FGGY: variants seen among roughly 807,000 people sequenced by gnomAD.
FGGY encodes the protein FGGY carbohydrate kinase domain containing, also known as FGGY carbohydrate kinase domain-containing protein.
In FGGY, 72 loss-of-function variants were observed where a neutral mutation model predicts 71.3. The observed-to-expected ratio is 1.01, with a 90% CI of 0.84 to 1.23. FGGY has a LOEUF of 1.23. Among genes scored for constraint, FGGY ranks in the 50% most tolerant of loss-of-function variants. The pLI, the probability that FGGY is intolerant of heterozygous loss-of-function variation, is 0.00. For missense variants in FGGY, 668 were observed against 682.3 expected, an observed-to-expected ratio of 0.98 and a Z score of 0.23; for synonymous variants, 251 against 250.3, an observed-to-expected ratio of 1.00 and a Z score of -0.02.
chr1:59,634,747 T>C (rs1171025224), intron 10 of FGGY, among the ~76,000 whole-genome samples: 1 of 152,214 alleles, frequency 6.6e-6, no homozygotes, highest in Non-Finnish European at 1.5e-5. Flanking sequence ...GGAAACTATT[T>C]ATTGATAAAC....
chr1:59,703,901 T>C (rs1168146772), intron 14 of FGGY, among the ~76,000 whole-genome samples: 1 of 152,186 alleles, frequency 6.6e-6, no homozygotes, highest in Non-Finnish European at 1.5e-5. Flanking sequence ...TGTGCGCCCA[T>C]TGGACCCTAT....
intron 8 of FGGY, among the ~76,000 whole-genome samples, chr1:59,585,832 C>A (rs1462255093): frequency 2.6e-5 from 4 of 152,256 alleles, no homozygotes; most frequent in East Asian, 1.9e-4. Flanking sequence ...AAGAAAAAAA[C>A]CCCATCAACA....
rs1210988712 is a variant in FGGY, at chr1:59,493,137, G to C, written c.671-19174G>C. ...CACACACACACACACACACAAAACA[G>C]AAAGTAAGTGTTGGTGAAGATGTGG... On this transcript the variant is annotated intron_variant, in intron 6 of 15. Transcript: ENST00000303721. Among the ~76,000 whole-genome samples, 3 of 73,770 alleles carry C rather than the reference G, an allele frequency of 4.1e-5. No individual in the cohort carries two copies. In the East Asian group the frequency reaches 1.3e-3, roughly 31 times the overall value. The allele number at this position is 73,770 out of a possible 152,430, so 48.4% of individuals were successfully genotyped here. A position where few individuals can be genotyped will look rare whatever the true frequency, so the allele number is the denominator to read the frequency against.
chr1:59,465,555 G>A (rs1397626739), intron 6 of FGGY, among the ~76,000 whole-genome samples: 1 of 152,176 alleles, frequency 6.6e-6, no homozygotes, highest in Non-Finnish European at 1.5e-5. Flanking sequence ...TAGGAAAAGA[G>A]GAAGTCAAAT....
In FGGY at chr1:59,469,144, C is replaced by T. The variant is rs183759531; in HGVS notation, c.670+12068C>T. 7.5e-4 allele frequency among the ~76,000 whole-genome samples: 114 copies of T among 152,328 alleles called. 1 individual carries two copies. The highest frequency in any genetic ancestry group is 2.6e-3 in the African/African-American group (109 of 41,582). On this transcript the variant is annotated intron_variant, in intron 6 of 15. Transcript: ENST00000303721. ...ACCTATACTTGCCTGAAGCAAGCTG[C>T]ACTTGATCAGATTGATTCATGAACT...
intron 8 of FGGY, among the ~76,000 whole-genome samples, chr1:59,602,085 C>T (rs1469074870): frequency 2.6e-5 from 4 of 152,258 alleles, no homozygotes; most frequent in Admixed American, 2.6e-4. Context: ...AACAACTCAG[C>T]TTCATGAAAT....
chr1:59,357,476 G>C (rs908582304), intron 4 of FGGY, among the ~76,000 whole-genome samples: 1 of 152,144 alleles, frequency 6.6e-6, no homozygotes, highest in Non-Finnish European at 1.5e-5. Flanking sequence ...AAGCCTCAAA[G>C]AAATGAAATG....
intron 11 of FGGY, among the ~76,000 whole-genome samples, chr1:59,642,974 G>T (rs1457770199): frequency 2.7e-5 from 4 of 149,408 alleles, no homozygotes; most frequent in African/African-American, 4.9e-5. Context: ...GGTGGAGCTT[G>T]CAGTGAGCCA....
chr1:59,564,282 G>C (rs1024406627), intron 8 of FGGY, among the ~76,000 whole-genome samples: 1 of 152,182 alleles, frequency 6.6e-6, no homozygotes, highest in Non-Finnish European at 1.5e-5. Flanking sequence ...AAATTTTGCA[G>C]TATCTCCATC....
intron 5 of FGGY, among the ~76,000 whole-genome samples, chr1:59,429,905 C>G (rs1219834838): frequency 6.6e-6 from 1 of 152,166 alleles, no homozygotes; most frequent in Non-Finnish European, 1.5e-5. Flanking sequence ...TTCTTTGATT[C>G]TTTTCACCCA....
At chr1:59,630,469 G>A (rs2096898438) in intron 10 of FGGY, among the ~76,000 whole-genome samples, 1 of 152,076 alleles carries the variant, frequency 6.6e-6, no homozygotes, top group Admixed American at 6.6e-5. Flanking sequence ...TACCTGTTCT[G>A]CCCTGAATGT....
intron 9 of FGGY, among the ~76,000 whole-genome samples, chr1:59,613,880 A>G (rs1366161541): frequency 1.3e-5 from 2 of 152,230 alleles, no homozygotes. Context: ...CTCTATGCAA[A>G]TAAACTAGAA....
intron 14 of FGGY, among the ~76,000 whole-genome samples, chr1:59,695,961 A>G (rs1394479921): frequency 6.6e-6 from 1 of 152,110 alleles, no homozygotes; most frequent in East Asian, 1.9e-4. Flanking sequence ...CAAAATAAAA[A>G]CTTTCTAACC....
Position 59,762,701 on chromosome 1 carries a change from A to G in FGGY, c.*117A>G. Reference sequence around the variant, plus strand: ...TTTCATCATTTCTGTATTGTCTTTCAATAAAGAAAACAAACATGTGCAACC... The same window carrying G: ...TTTCATCATTTCTGTATTGTCTTTCGATAAAGAAAACAAACATGTGCAACC... On this transcript the variant is annotated 3_prime_UTR_variant, in exon 16 of 16. Transcript: ENST00000303721. 1.4e-6 allele frequency: 1 copy of G among 737,262 alleles called. No individual in the cohort carries two copies. The highest frequency in any genetic ancestry group is 1.8e-5 in the South Asian group (1 of 55,322). The allele number at this position is 737,262 out of a possible 1,614,324, so 45.7% of individuals were successfully genotyped here. A position where few individuals can be genotyped will look rare whatever the true frequency, so the allele number is the denominator to read the frequency against.
At chr1:59,373,252 C>T (rs2058033164) in intron 4 of FGGY, among the ~76,000 whole-genome samples, 1 of 152,228 alleles carries the variant, frequency 6.6e-6, no homozygotes, top group Non-Finnish European at 1.5e-5. Context: ...CACAAGCATT[C>T]TTATACACCA....
At chr1:59,665,680 T>C (rs996624687) in intron 12 of FGGY, among the ~76,000 whole-genome samples, 87 of 142,260 alleles carry the variant, frequency 6.1e-4, no homozygotes, top group African/African-American at 2.2e-3. Flanking sequence ...ACCCTGTTCC[T>C]TTTTTTTTTT....
intron 8 of FGGY, among the ~76,000 whole-genome samples, chr1:59,580,116 C>CTTAATATAGGG (rs2096163211): frequency 6.6e-6 from 1 of 152,158 alleles, no homozygotes; most frequent in South Asian, 2.1e-4. Flanking sequence ...CCAGACCACC[C>CTTAATATAGGG]TATATTAAAA....
At chr1:59,344,680 T>G (rs1219602828) in intron 3 of FGGY, among the ~76,000 whole-genome samples, 3 of 152,190 alleles carry the variant, frequency 2.0e-5, no homozygotes, top group Non-Finnish European at 2.9e-5. Flanking sequence ...GCGTATAACC[T>G]ATGTACGTCT....
At chr1:59,391,803 T>G (rs531592297) in intron 5 of FGGY, among the ~76,000 whole-genome samples, 2 of 152,342 alleles carry the variant, frequency 1.3e-5, no homozygotes, top group Admixed American at 6.5e-5. Flanking sequence ...CTGAACAATT[T>G]TCTCTGAGAC....
Sources: allele counts gnomAD v4.1 joint callset (sites outside exome capture counted in the v4.1 genomes callset), GRCh38; gene constraint gnomAD v4.1.1; transcripts MANE v1.5; gene names NCBI Gene and HGNC (gene_info 2026-07-23, HGNC 2026-07-21).